Variants in FREM3 observed in about 807,000 individuals in gnomAD.
FREM3 encodes FRAS1 related extracellular matrix 3, also known as FRAS1-related extracellular matrix protein 3.
FREM3 carries 105 observed loss-of-function variants against 129.1 expected under a neutral mutation model. The ratio of observed to expected loss-of-function variants is 0.81; its 90% CI spans 0.69 to 0.96. The LOEUF (loss-of-function observed/expected upper bound fraction) is 0.96. FREM3 is among the 40% of genes least tolerant of loss of function. FREM3 has a pLI of 0.00. For missense variants in FREM3, 2,593 were observed against 2,666.3 expected, an observed-to-expected ratio of 0.97 and a Z score of 0.61; for synonymous variants, 1,014 against 1,044.9, an observed-to-expected ratio of 0.97 and a Z score of 0.57.
intron 2 of FREM3, among the ~76,000 whole-genome samples, chr4:143,666,912 A>T (rs1739873270): frequency 6.6e-6 from 1 of 152,158 alleles, no homozygotes; most frequent in Admixed American, 6.5e-5. Context: ...AAAAATGTAT[A>T]ATATACTAAA....
chr4:143,653,791 G>A lies in FREM3; in HGVS notation c.5276-26031C>T, dbSNP rs143504667. 2.0e-3 allele frequency among the ~76,000 whole-genome samples: 310 copies of A among 152,254 alleles called. 1 individual carries two copies. The highest frequency in any genetic ancestry group is 4.6e-3 in the South Asian group (22 of 4,822). On this transcript the variant is annotated intron_variant, in intron 2 of 7. Transcript: ENST00000329798. ...TACTCCAGACAAATTAAATCAGAGC[G>A]TTTAGATGGTTGGGCCCAGATTTGT...
At chr4:143,612,579 G>A (rs1000453381) in intron 5 of FREM3, among the ~76,000 whole-genome samples, 6 of 152,038 alleles carry the variant, frequency 3.9e-5, no homozygotes, top group Non-Finnish European at 5.9e-5. Context: ...AAGCAATTGC[G>A]GTTTTCCCAT....
chr4:143,627,940 G>A (rs1739072263), intron 2 of FREM3, among the ~76,000 whole-genome samples, 180 bp from the exon 3 acceptor site: 1 of 152,098 alleles, frequency 6.6e-6, no homozygotes, highest in African/African-American at 2.4e-5. Context: ...GTCATGAGTG[G>A]CATCTTAAGC....
At chr4:143,604,051 T>C (rs1738623250) in intron 6 of FREM3, among the ~76,000 whole-genome samples, 1 of 152,150 alleles carries the variant, frequency 6.6e-6, no homozygotes. Context: ...GGTGCCATCC[T>C]CAAAGTAATG....
At chr4:143,582,578 G>A (rs902800118) in intron 7 of FREM3, among the ~76,000 whole-genome samples, 1 of 152,242 alleles carries the variant, frequency 6.6e-6, no homozygotes, top group South Asian at 2.1e-4. Flanking sequence ...AAGAACTAGC[G>A]TAAGAACTCT....
At chr4:143,693,392 A>AATGAGG (rs1740507856) in intron 1 of FREM3, among the ~76,000 whole-genome samples, 190 bp from the exon 2 acceptor site, 1 of 152,220 alleles carries the variant, frequency 6.6e-6, no homozygotes, top group Admixed American at 6.5e-5. Flanking sequence ...ATTTGGTCTC[A>AATGAGG]ATGAGGTACC....
At chr4:143,671,224 G>A (rs568919934) in intron 2 of FREM3, among the ~76,000 whole-genome samples, 2 of 151,976 alleles carry the variant, frequency 1.3e-5, no homozygotes, top group African/African-American at 4.8e-5. Flanking sequence ...TGTCAGGCAG[G>A]CATTTCAATT....
At position 143,697,827 on chromosome 4, in the gene FREM3, C is replaced by A; in HGVS notation, c.2849G>T (p.Ser950Ile). ...NRSPRISLRSSSLLDVSIDVL... is the reference protein window; with the variant it reads ...NRSPRISLRSISLLDVSIDVL... Reference sequence around the variant, plus strand: ...GTCTATAGAAACATCCAATAATGAACTACTTCTGAGAGAGATCCTAGGACT... The same window carrying A: ...GTCTATAGAAACATCCAATAATGAAATACTTCTGAGAGAGATCCTAGGACT... The change falls in exon 1 of 8, where the codon AGT becomes ATT. Residue 950 changes from serine to isoleucine, a missense_variant. Around this residue, in one of 2 missense-constraint regions of FREM3, gnomAD observed 2,276 missense variants for 2,267.2 expected, o/e 1.00. Coordinates refer to ENST00000329798, the MANE Select transcript of FREM3 (RefSeq NM_001168235.2). 6.5e-7 allele frequency: 1 copy of A among 1,537,676 alleles called. No homozygotes were observed. The highest frequency in any genetic ancestry group is 1.2e-5 in the South Asian group (1 of 84,062).
chr4:143,616,213 A>G (rs1413585648), intron 5 of FREM3, among the ~76,000 whole-genome samples: 1 of 152,236 alleles, frequency 6.6e-6, no homozygotes, highest in Non-Finnish European at 1.5e-5. Context: ...CTACCAACCT[A>G]GAATTTCAAG....
chr4:143,642,192 C>T (rs1188679321), intron 2 of FREM3, among the ~76,000 whole-genome samples: 1 of 151,452 alleles, frequency 6.6e-6, no homozygotes, highest in Admixed American at 6.6e-5. Context: ...TTTCTGGATT[C>T]TAAGTATTAG....
intron 2 of FREM3, among the ~76,000 whole-genome samples, chr4:143,660,638 G>A (rs1463117654): frequency 1.3e-5 from 2 of 152,178 alleles, no homozygotes; most frequent in South Asian, 2.1e-4. Context: ...TTGGTAGCTT[G>A]ATGGGCATGG....
intron 6 of FREM3, among the ~76,000 whole-genome samples, chr4:143,602,435 G>A (rs1055768089): frequency 9.9e-5 from 15 of 152,198 alleles, no homozygotes; most frequent in East Asian, 3.9e-4. Context: ...TTAGAGTCAC[G>A]AGTGGCAAAA....
chr4:143,663,141 T>G (rs973331428), intron 2 of FREM3, among the ~76,000 whole-genome samples: 9 of 152,268 alleles, frequency 5.9e-5, no homozygotes, highest in Admixed American at 3.9e-4. Flanking sequence ...GTTAGCTGGT[T>G]ATTTTGCTCG....
Position 143,699,469 on chromosome 4 carries a change from G to GA in FREM3, c.1206dup (p.Gln403SerfsTer34). The GA allele has an allele frequency of 6.5e-7, 1 of 1,537,318 alleles. No individual in the cohort carries two copies. The highest frequency in any genetic ancestry group is 1.2e-5 in the South Asian group (1 of 84,068). On this transcript the variant is annotated frameshift_variant, in exon 1 of 8. Transcript: ENST00000329798. LOFTEE classifies it high-confidence loss of function. The surrounding 1 kb of genome is among the most constrained non-coding windows in gnomAD (Gnocchi z 4.2). Reference sequence around the variant, plus strand: ...CCGTCCACCACCTCCAGCTCCAGCTGAAAGAGGCGCTCCCCATGGGAGTTC... The same window carrying GA: ...CCGTCCACCACCTCCAGCTCCAGCTGAAAAGAGGCGCTCCCCATGGGAGTTC...
intron 2 of FREM3, among the ~76,000 whole-genome samples, chr4:143,684,736 A>G (rs1170925511): frequency 6.6e-6 from 1 of 152,248 alleles, no homozygotes; most frequent in Non-Finnish European, 1.5e-5. Context: ...GGCGAAGCCC[A>G]ATGCAAGGAA....
At chr4:143,628,246 G>C (rs1276000199) in intron 2 of FREM3, among the ~76,000 whole-genome samples, 2 of 152,012 alleles carry the variant, frequency 1.3e-5, no homozygotes, top group Admixed American at 6.6e-5. Context: ...TCACTTTCAG[G>C]ACATAGTATG....
Position 143,624,244 on chromosome 4 carries a change from G to C in FREM3, c.5517C>G (p.Ala1839=). Residue 1839 remains alanine, a synonymous_variant, in exon 4 of 8, where the codon GCC becomes GCG. Coordinates refer to ENST00000329798, the MANE Select transcript of FREM3 (RefSeq NM_001168235.2). The part of the protein sequence containing the change: ...QIQFNPGQTT[A]TWRVRIIPDN... The stretch of plus-strand genomic sequence containing the variant: ...CAGGTATAATTCTCACCCTCCATGT[G>C]GCTGTAGTCTGTCCAGGATTGAACT... The C allele has an allele frequency of 6.5e-7, 1 of 1,536,448 alleles. No individual in the cohort carries two copies. Among genetic ancestry groups the C allele is most frequent in the Non-Finnish European group, 8.7e-7 (1 of 1,146,240 alleles).
At chr4:143,677,993 G>C (rs1208353485) in intron 2 of FREM3, among the ~76,000 whole-genome samples, 1 of 152,142 alleles carries the variant, frequency 6.6e-6, no homozygotes, top group African/African-American at 2.4e-5. Context: ...GATTCCTCAG[G>C]GATCTAGAAC....
At chr4:143,672,400 T>C (rs1031976948) in intron 2 of FREM3, among the ~76,000 whole-genome samples, 19 of 152,236 alleles carry the variant, frequency 1.2e-4, no homozygotes, top group Non-Finnish European at 2.6e-4. Flanking sequence ...ACTGCTGTCA[T>C]ACTTTGGACC....
Sources: allele counts gnomAD v4.1 joint callset (sites outside exome capture counted in the v4.1 genomes callset), GRCh38; gene constraint gnomAD v4.1.1; regional missense constraint gnomAD v4.1.1; non-coding constraint Gnocchi (gnomAD v3.1); transcripts MANE v1.5; gene names NCBI Gene and HGNC (gene_info 2026-07-23, HGNC 2026-07-21).